BIRC6: variants seen among roughly 807,000 people sequenced by gnomAD.
The protein encoded by BIRC6 is dual E2 ubiquitin-conjugating enzyme/E3 ubiquitin-protein ligase BIRC6.
BIRC6 carries 98 observed loss-of-function variants against 503.3 expected under a neutral mutation model. That is an observed-to-expected ratio of 0.19 (90% CI 0.17 to 0.23). BIRC6 has a LOEUF of 0.23. BIRC6 is among the 10% of genes least tolerant of loss of function. The pLI, the probability that BIRC6 is intolerant of heterozygous loss-of-function variation, is 1.00. For missense variants in BIRC6, 5,360 were observed against 5,806.0 expected, an observed-to-expected ratio of 0.92 and a Z score of 2.50; for synonymous variants, 2,240 against 2,078.7, an observed-to-expected ratio of 1.08 and a Z score of -2.11.
At chr2:32,584,436 G>A (rs1177639910) in intron 66 of BIRC6, among the ~76,000 whole-genome samples, 1 of 152,124 alleles carries the variant, frequency 6.6e-6, no homozygotes, top group East Asian at 1.9e-4. Flanking sequence ...GGGAGGCTGA[G>A]GCAAGAGAAT....
chr2:32,460,420 G>A (rs530887732), intron 23 of BIRC6, among the ~76,000 whole-genome samples: 2 of 150,506 alleles, frequency 1.3e-5, no homozygotes. Flanking sequence ...GGGATTACAG[G>A]TGCCCACCAC....
In BIRC6 at chr2:32,488,513, T is replaced by C; in HGVS notation, c.7969-75T>C. 5.6e-6 allele frequency: 7 copies of C among 1,253,718 alleles called. No homozygotes were observed. The South Asian group carries it at 1.1e-4, about 20-fold the overall frequency. 77.7% of individuals were successfully genotyped at this position (1,253,718 alleles called of 1,614,324 possible). A position where few individuals can be genotyped will look rare whatever the true frequency, so the allele number is the denominator to read the frequency against. ...TTTACTCGTGACAAGAATTTAAACATAAGATTTTTGTTTAAATTGTATTTC... is the reference window on the plus strand; with the variant it reads ...TTTACTCGTGACAAGAATTTAAACACAAGATTTTTGTTTAAATTGTATTTC... On this transcript the variant is annotated intron_variant, in intron 41 of 73. Coordinates refer to ENST00000421745, the MANE Select transcript of BIRC6 (RefSeq NM_016252.4).
rs375023301 is a variant in BIRC6 at position 32,598,548 on chromosome 2, C to T, written c.13830+580C>T. ...ATAATCTCTACTTTTATGTTTAACA[C>T]GTGATAATCTGGCCTTAAATTCCAA... On this transcript the variant is annotated intron_variant, in intron 69 of 73. Transcript: ENST00000421745. 5.3e-5 allele frequency among the ~76,000 whole-genome samples: 8 copies of T among 152,088 alleles called. No homozygotes were observed. In the East Asian group the frequency reaches 1.4e-3, roughly 26 times the overall value.
intron 65 of BIRC6, among the ~76,000 whole-genome samples, chr2:32,549,801 A>G (rs1221271382): frequency 6.6e-6 from 1 of 152,200 alleles, no homozygotes; most frequent in East Asian, 1.9e-4. Flanking sequence ...TGATCTGAAT[A>G]TGGTCAAATT....
intron 57 of BIRC6, chr2:32,519,168 A>G: frequency 2.4e-6 from 1 of 413,880 alleles, no homozygotes; most frequent in Non-Finnish European, 4.4e-6. Context: ...TGTCACAGTG[A>G]GAAATGGGCA....
chr2:32,383,207 T>A (rs1026667708), intron 3 of BIRC6, among the ~76,000 whole-genome samples: 1 of 151,558 alleles, frequency 6.6e-6, no homozygotes, highest in Non-Finnish European at 1.5e-5. Context: ...CCACCACGCC[T>A]GGCTAACTTT....
intron 66 of BIRC6, among the ~76,000 whole-genome samples, chr2:32,589,262 G>A (rs749358531): frequency 1.4e-4 from 21 of 152,160 alleles, no homozygotes; most frequent in Non-Finnish European, 2.6e-4. Context: ...ATTGAAGCAA[G>A]CATCTTTTAT....
In BIRC6 at chr2:32,503,113, G is replaced by T. The variant is rs753814210; in HGVS notation, c.9376G>T (p.Val3126Leu). 4.3e-6 allele frequency: 7 copies of T among 1,611,342 alleles called. No individual in the cohort carries two copies. Among genetic ancestry groups the T allele is most frequent in the Non-Finnish European group, 5.9e-6 (7 of 1,178,596 alleles). ...RAIVNTARSM[V>L]STIMKFLDSG... ...TATTGTGAACACTGCAAGAAGTATGGTATCAACTATTATGAAATTTCTTGA... is the reference window on the plus strand; with the variant it reads ...TATTGTGAACACTGCAAGAAGTATGTTATCAACTATTATGAAATTTCTTGA... The change falls in exon 49 of 74, where the codon GTA becomes TTA. Residue 3126 changes from valine to leucine, a missense_variant. By Grantham distance (32) the Val-to-Leu change is conservative. Around this residue, in one of 16 missense-constraint regions of BIRC6, gnomAD observed 267 missense variants for 287.6 expected, o/e 0.93. Transcript: ENST00000421745.
At chr2:32,399,542 C>T (rs1452319426) in intron 6 of BIRC6, among the ~76,000 whole-genome samples, 1 of 152,156 alleles carries the variant, frequency 6.6e-6, no homozygotes, top group Non-Finnish European at 1.5e-5. Flanking sequence ...ATATGCTTTA[C>T]CATCACGCCT....
chr2:32,480,621 CTTTTTTTTTTTTTTTTTTTTT>C (rs560251664), intron 37 of BIRC6, among the ~76,000 whole-genome samples: 38 of 60,732 alleles, frequency 6.3e-4, no homozygotes, highest in East Asian at 1.2e-3. Flanking sequence ...AGGTAAATGG[CTTTTTTTTTTTTTTTTTTTTT>C]TTTTTTTTTT....
At chr2:32,535,724 G>C (rs1334720278) in intron 61 of BIRC6, among the ~76,000 whole-genome samples, 3 of 152,158 alleles carry the variant, frequency 2.0e-5, no homozygotes, top group African/African-American at 7.2e-5. Context: ...ATTTGGCTTG[G>C]TTCCAAGTCT....
intron 9 of BIRC6, among the ~76,000 whole-genome samples, chr2:32,407,116 A>G (rs542645434): frequency 1.7e-4 from 26 of 152,264 alleles, no homozygotes; most frequent in African/African-American, 5.8e-4. Context: ...ATTTCCTGAT[A>G]TATAGCATGG....
rs569802914 is a variant in BIRC6 at position 32,604,209 on chromosome 2, A to G, written c.14070+1126A>G. 3.9e-5 allele frequency among the ~76,000 whole-genome samples: 6 copies of G among 152,334 alleles called. No homozygotes were observed. The East Asian group carries it at 1.2e-3, about 29-fold the overall frequency. ...TGATGAAAATATAGGTTCTAAATGT[A>G]CAGATAACTTTACTGTGATCCCTAT... On this transcript the variant is annotated intron_variant, in intron 71 of 73. Coordinates refer to ENST00000421745, the MANE Select transcript of BIRC6 (RefSeq NM_016252.4).
In BIRC6 at chr2:32,505,210, GTAATA is replaced by G. The variant is rs1558916777; in HGVS notation, c.9700+7_9700+11del. ...CTCATCTTGCATCTCTTGCAAGTGAGTAATATTTTATAAAGAAGCATCATGAGAAC... is the reference window on the plus strand; with the variant it reads ...CTCATCTTGCATCTCTTGCAAGTGAGTTTTATAAAGAAGCATCATGAGAAC... On this transcript the variant is annotated splice_donor_region_variant and intron_variant, in intron 50 of 73. Transcript: ENST00000421745. 6.5e-7 allele frequency: 1 copy of G among 1,544,834 alleles called. No individual in the cohort carries two copies. Among genetic ancestry groups the G allele is most frequent in the African/African-American group, 1.4e-5 (1 of 73,190 alleles).
At chr2:32,443,420 A>G (rs1370897481) in intron 19 of BIRC6, 71 bp from the exon 20 acceptor site, 21 of 1,033,162 alleles carry the variant, frequency 2.0e-5, no homozygotes, top group Non-Finnish European at 2.8e-5. Context: ...TTTAGGTACC[A>G]CACCAGGTTT....
chr2:32,373,624 T>G (rs2036293234), intron 1 of BIRC6, among the ~76,000 whole-genome samples: 1 of 152,160 alleles, frequency 6.6e-6, no homozygotes, highest in Non-Finnish European at 1.5e-5. Context: ...TTGGCACTCT[T>G]GTGCACTGCT....
At chr2:32,364,632 T>C (rs1009446081) in intron 1 of BIRC6, among the ~76,000 whole-genome samples, 5 of 152,046 alleles carry the variant, frequency 3.3e-5, no homozygotes, top group Admixed American at 6.6e-5. Flanking sequence ...TTTTTTCCAC[T>C]GGGTTTTTAG....
At chr2:32,610,282 G>A (rs1416067566) in intron 72 of BIRC6, among the ~76,000 whole-genome samples, 3 of 152,118 alleles carry the variant, frequency 2.0e-5, no homozygotes, top group Non-Finnish European at 4.4e-5. Context: ...TTTCCAAATT[G>A]ATAATTGTTT....
chr2:32,389,071 TA>T (rs551237051), intron 4 of BIRC6, 128 bp downstream of exon 4: 269 of 635,656 alleles, frequency 4.2e-4, no homozygotes, highest in South Asian at 8.6e-4. Context: ...ATTTTGAAAT[TA>T]AAAAAAAATC....
Sources: gnomAD v4.1 joint callset for allele counts (sites outside exome capture counted in the v4.1 genomes callset) on GRCh38, gnomAD v4.1.1 for gene constraint, gnomAD v4.1.1 regional missense constraint, MANE v1.5 for transcripts, NCBI Gene and HGNC (gene_info 2026-07-23, HGNC 2026-07-21) for gene names.